Variants in NBEA observed in about 807,000 individuals in gnomAD.
The protein encoded by NBEA is neurobeachin, also known as lysosomal-trafficking regulator 2.
A neutral mutation model predicts 343.4 loss-of-function variants in NBEA; 44 were observed. The observed-to-expected ratio is 0.13, with a 90% CI of 0.10 to 0.16. The LOEUF (loss-of-function observed/expected upper bound fraction) is 0.16. Among genes scored for constraint, NBEA ranks in the 10% least tolerant of loss-of-function variants. The pLI, the probability that NBEA is intolerant of heterozygous loss-of-function variation, is 1.00. For missense variants in NBEA, 2,555 were observed against 3,631.3 expected (o/e 0.70, Z 7.62); for synonymous variants, 1,175 against 1,238.7 (o/e 0.95, Z 1.08).
chr13:35,047,438 A>G (rs968941647), intron 4 of NBEA, among the ~76,000 whole-genome samples: 1 of 152,060 alleles, frequency 6.6e-6, no homozygotes, highest in African/African-American at 2.4e-5. Flanking sequence ...TGGGAACACA[A>G]TTGAAAAGAG....
At chr13:35,137,897 A>G (rs569979138) in intron 17 of NBEA, among the ~76,000 whole-genome samples, 1 of 152,276 alleles carries the variant, frequency 6.6e-6, no homozygotes, top group South Asian at 2.1e-4. Context: ...TGAAAACTTG[A>G]TAGATTTTAT....
At chr13:35,056,413 T>C (rs2063262655) in intron 7 of NBEA, among the ~76,000 whole-genome samples, 1 of 152,024 alleles carries the variant, frequency 6.6e-6, no homozygotes, top group Non-Finnish European at 1.5e-5. Flanking sequence ...CACTAAAAAA[T>C]GTGGTTTACC....
intron 38 of NBEA, among the ~76,000 whole-genome samples, chr13:35,389,345 T>C (rs1049579553): frequency 1.3e-5 from 2 of 152,136 alleles, no homozygotes; most frequent in African/African-American, 4.8e-5. Flanking sequence ...TGAATACTCA[T>C]CATTATGCAG....
At chr13:34,988,771 C>G (rs2152513846) in intron 1 of NBEA, among the ~76,000 whole-genome samples, 1 of 151,084 alleles carries the variant, frequency 6.6e-6, no homozygotes, top group East Asian at 1.9e-4. Flanking sequence ...CACAATCTGT[C>G]TTGTTTATTT....
intron 18 of NBEA, among the ~76,000 whole-genome samples, chr13:35,143,502 G>A (rs548511824): frequency 6.6e-6 from 1 of 151,520 alleles, no homozygotes; most frequent in African/African-American, 2.4e-5. Flanking sequence ...AGATTTAGAT[G>A]GCAAGGCCTT....
chr13:35,262,362 A>G (rs1373388834), intron 34 of NBEA, among the ~76,000 whole-genome samples: 4 of 152,250 alleles, frequency 2.6e-5, no homozygotes, highest in Non-Finnish European at 2.9e-5. Context: ...TTATGTTCAC[A>G]CAAAAACCTA....
Position 35,566,543 on chromosome 13 carries a change from A to C in NBEA, c.6923-362A>C, listed in dbSNP as rs1456415459. Among the ~76,000 whole-genome samples, 3 of 152,118 alleles carry C rather than the reference A, an allele frequency of 2.0e-5. No individual in the cohort carries two copies. In the East Asian group the frequency reaches 5.8e-4, roughly 29 times the overall value. On this transcript the variant is annotated intron_variant, in intron 44 of 58. Coordinates refer to ENST00000379939, the MANE Select transcript of NBEA (RefSeq NM_001385012.1). The stretch of plus-strand genomic sequence containing the variant: ...AGAGAGATGAGACACACATGCAGGA[A>C]GTTTCAGTGGGCCAAGTCTTGAAGA...
chr13:35,333,294 A>G (rs571321399), intron 36 of NBEA, among the ~76,000 whole-genome samples: 31 of 152,312 alleles, frequency 2.0e-4, no homozygotes, highest in African/African-American at 7.2e-4. Context: ...ATTTGGAAAA[A>G]TAAAACTTGT....
At position 35,100,889 on chromosome 13, in the gene NBEA, C is replaced by G. The variant is rs553274765; in HGVS notation, c.1680+2484C>G. ...TCATGATTCCCACCCCTAGTCAACC[C>G]ATAATTCACTTTTTGGCTTTATGAA... On this transcript the variant is annotated intron_variant, in intron 11 of 58. Transcript: ENST00000379939. Among the ~76,000 whole-genome samples, 11 of 151,994 alleles carry G rather than the reference C, an allele frequency of 7.2e-5. No homozygotes were observed. In the South Asian group the frequency reaches 2.3e-3, roughly 31 times the overall value.
intron 49 of NBEA, among the ~76,000 whole-genome samples, chr13:35,635,107 AAGGG>A (rs2083639654): frequency 6.6e-6 from 1 of 152,184 alleles, no homozygotes; most frequent in African/African-American, 2.4e-5. Context: ...GATGTAAATG[AAGGG>A]TAATTTAAGG....
At chr13:35,005,724 G>C (rs2061296467) in intron 1 of NBEA, among the ~76,000 whole-genome samples, 1 of 152,138 alleles carries the variant, frequency 6.6e-6, no homozygotes, top group South Asian at 2.1e-4. Flanking sequence ...CAGTTAACTA[G>C]TTAAGGAAGA....
At chr13:35,474,840 C>A in intron 41 of NBEA, 1 of 561,886 alleles carries the variant, frequency 1.8e-6, no homozygotes, top group Non-Finnish European at 3.1e-6. Flanking sequence ...AAGAAGTCTT[C>A]TAATACTAGT....
chr13:35,173,453 T>C lies in NBEA; in HGVS notation c.4424-11T>C, dbSNP rs113065332. 1,991 of 1,577,360 alleles carry C rather than the reference T, an allele frequency of 1.3e-3. 30 individuals carry two copies. The African/African-American group carries it at 0.024, about 19-fold the overall frequency. On this transcript the variant is annotated splice_polypyrimidine_tract_variant and intron_variant, in intron 26 of 58. Coordinates refer to ENST00000379939, the MANE Select transcript of NBEA (RefSeq NM_001385012.1). The stretch of plus-strand genomic sequence containing the variant: ...TTTATATTAACAATATGTTTTTGAA[T>C]TTTTAAATAGTTTGTTGTGTTGCTG...
At chr13:35,556,142 G>A (rs2079562162) in intron 44 of NBEA, among the ~76,000 whole-genome samples, 1 of 151,758 alleles carries the variant, frequency 6.6e-6, no homozygotes, top group Non-Finnish European at 1.5e-5. Flanking sequence ...TTATTCATAT[G>A]TGTAGTACAT....
At chr13:35,188,645 C>G (rs538624295) in intron 30 of NBEA, among the ~76,000 whole-genome samples, 17 of 152,126 alleles carry the variant, frequency 1.1e-4, no homozygotes, top group South Asian at 2.1e-4. Flanking sequence ...TCAATAGACA[C>G]TTGATTCCAT....
intron 28 of NBEA, chr13:35,179,806 C>G (rs1379327571): frequency 1.0e-6 from 1 of 984,084 alleles, no homozygotes; most frequent in Non-Finnish European, 1.2e-6. Context: ...TGGTTGGTAT[C>G]TTTTCTTAAT....
intron 41 of NBEA, among the ~76,000 whole-genome samples, chr13:35,525,206 G>T (rs533075835): frequency 6.6e-6 from 1 of 152,230 alleles, no homozygotes; most frequent in Middle Eastern, 3.4e-3. Context: ...TGTCAATCAA[G>T]ATATGCATTA....
chr13:35,435,425 C>T (rs1319265598), intron 39 of NBEA, among the ~76,000 whole-genome samples: 1 of 151,958 alleles, frequency 6.6e-6, no homozygotes, highest in Non-Finnish European at 1.5e-5. Context: ...GTTGATGGTA[C>T]TTAGACAGGA....
intron 30 of NBEA, 58 bp from the exon 31 acceptor site, chr13:35,195,806 A>G (rs758170565): frequency 1.2e-5 from 17 of 1,400,612 alleles, no homozygotes; most frequent in Non-Finnish European, 1.6e-5. Context: ...ACATTTGATT[A>G]ATAATACAAG....
Sources: allele counts gnomAD v4.1 joint callset (sites outside exome capture counted in the v4.1 genomes callset), GRCh38; gene constraint gnomAD v4.1.1; transcripts MANE v1.5; gene names NCBI Gene and HGNC (gene_info 2026-07-23, HGNC 2026-07-21).